The following SCN1A variants were observed in gnomAD, a reference collection of about 807,000 sequenced individuals.
SCN1A encodes sodium channel protein type 1 subunit alpha.
In SCN1A, 13 loss-of-function variants were observed where a neutral mutation model predicts 193.7. The ratio of observed to expected loss-of-function variants is 0.07; its 90% CI spans 0.04 to 0.11. SCN1A has a LOEUF of 0.11. SCN1A is among the 10% of genes least tolerant of loss of function. The pLI is 1.00. For synonymous variants in SCN1A, 781 were observed against 843.6 expected (o/e 0.93, Z 1.29); for missense variants, 1,432 against 2,451.1 (o/e 0.58, Z 8.78).
At chr2:166,088,861 G>C (rs1214093553) in intron 2 of SCN1A, among the ~76,000 whole-genome samples, 2 of 152,128 alleles carry the variant, frequency 1.3e-5, no homozygotes, top group Non-Finnish European at 2.9e-5. Flanking sequence ...ATTGGAAGTA[G>C]GGAGACCCAA....
chr2:165,989,028 C>CTGTGTGTGTGTGTG lies in SCN1A; in HGVS notation c.*2203_*2216dup, dbSNP rs140461403. 13 of 103,932 alleles carry CTGTGTGTGTGTGTG rather than the reference C, an allele frequency of 1.3e-4. No individual in the cohort carries two copies. Among genetic ancestry groups the CTGTGTGTGTGTGTG allele is most frequent in the African/African-American group, 4.2e-4 (13 of 30,926 alleles). 6.4% of individuals were successfully genotyped at this position (103,932 alleles called of 1,614,324 possible). A position where few individuals can be genotyped will look rare whatever the true frequency, so the allele number is the denominator to read the frequency against. On this transcript the variant is annotated 3_prime_UTR_variant, in exon 29 of 29. Transcript: ENST00000674923. ...TTTTGTTGTCAACGTGGGTATGCCT[C>CTGTGTGTGTGTGTG]TGTGTGTGTGTGTGTGTGTGTGTGT...
chr2:166,073,655 T>A lies in SCN1A; in HGVS notation c.-34A>T, dbSNP rs764287396. ...CCTGCACATTTTAATTACCATTTAT[T>A]CTGCATATGAAATTCCTAAAATAAA... On this transcript the variant is annotated 5_prime_UTR_variant, in exon 4 of 29. Transcript: ENST00000674923. 5 of 1,611,670 alleles carry A rather than the reference T, an allele frequency of 3.1e-6. No homozygotes were observed. The highest frequency in any genetic ancestry group is 4.2e-6 in the Non-Finnish European group (5 of 1,178,246).
upstream of SCN1A, among the ~76,000 whole-genome samples, chr2:166,128,349 G>C (rs1691475956): frequency 6.6e-6 from 1 of 152,000 alleles, no homozygotes; most frequent in Admixed American, 6.6e-5. Flanking sequence ...GTTTGAAACT[G>C]TTACTTTATT....
intron 19 of SCN1A, chr2:166,015,961 C>G: frequency 2.0e-6 from 1 of 494,504 alleles, no homozygotes; most frequent in Non-Finnish European, 3.6e-6. Flanking sequence ...TATGAGGTTA[C>G]AAAAGGCCAT....
rs540080097 is a variant in SCN1A, at chr2:166,135,971, T to G, written c.-50+13076A>C. Among the ~76,000 whole-genome samples the G allele has an allele frequency of 3.1e-4, 47 of 152,336 alleles. 1 individual carries two copies. Among genetic ancestry groups the G allele is most frequent in the African/African-American group, 1.1e-3 (44 of 41,584 alleles). ...ATGCCTAAGTGCAGTCTCTCATACC[T>G]GTTCATCTGCAGTGGCATGAAAGGC... is the stretch of plus-strand genomic sequence containing the variant. On this transcript the variant is annotated intron_variant, in intron 1 of 26. Transcript: ENST00000635750.
At chr2:166,055,376 G>A (rs1383902985) in intron 6 of SCN1A, among the ~76,000 whole-genome samples, 1 of 151,824 alleles carries the variant, frequency 6.6e-6, no homozygotes, top group Non-Finnish European at 1.5e-5. Flanking sequence ...TGTGAGAGTG[G>A]CATAAAATCA....
At chr2:166,050,649 A>AT (rs1243852708) in intron 9 of SCN1A, among the ~76,000 whole-genome samples, 29 of 124,830 alleles carry the variant, frequency 2.3e-4, no homozygotes, top group South Asian at 7.8e-4. Context: ...GTGTGTATAT[A>AT]TTTTTTTTTT....
chr2:166,121,766 A>G (rs1690623835), intron 2 of SCN1A, among the ~76,000 whole-genome samples: 2 of 152,206 alleles, frequency 1.3e-5, no homozygotes, highest in Admixed American at 6.5e-5. Context: ...AAGTATTGCC[A>G]GAGACAACTG....
intron 2 of SCN1A, among the ~76,000 whole-genome samples, chr2:166,093,735 A>G (rs923714368): frequency 6.6e-6 from 1 of 152,240 alleles, no homozygotes; most frequent in African/African-American, 2.4e-5. Flanking sequence ...AGCACAATGT[A>G]AAAACACTGA....
At chr2:166,015,122 A>G (rs1202852888) in intron 20 of SCN1A, among the ~76,000 whole-genome samples, 1 of 151,876 alleles carries the variant, frequency 6.6e-6, no homozygotes. Flanking sequence ...CCCATACTGC[A>G]CCAGGCTCAA....
intron 2 of SCN1A, among the ~76,000 whole-genome samples, chr2:166,098,609 C>A (rs1574485051): frequency 6.6e-6 from 1 of 152,038 alleles, no homozygotes; most frequent in East Asian, 1.9e-4. Flanking sequence ...GAAAACAAAA[C>A]CCCACAGTCT....
chr2:165,999,645 G>T, intron 25 of SCN1A, 78 bp downstream of exon 25: 3 of 1,000,930 alleles, frequency 3.0e-6, no homozygotes, highest in Non-Finnish European at 4.8e-6. Context: ...CATTTCATTT[G>T]GTCGTTTATG....
At chr2:166,004,061 C>A (rs1229059677) in intron 23 of SCN1A, among the ~76,000 whole-genome samples, 1 of 151,492 alleles carries the variant, frequency 6.6e-6, no homozygotes, top group African/African-American at 2.4e-5. Context: ...GTTATCCAGG[C>A]AGAACCAAAT....
rs78732730 is a variant in SCN1A at position 166,002,137 on chromosome 2, G to T, written c.4284+335C>A. ...GTATTCCGTTTTGGTAGCTGATCAGGGAAACAAGCCTTCTAATCACAATAA... is the reference window on the plus strand; with the variant it reads ...GTATTCCGTTTTGGTAGCTGATCAGTGAAACAAGCCTTCTAATCACAATAA... On this transcript the variant is annotated intron_variant, in intron 24 of 28. Transcript: ENST00000674923. 8.5e-3 allele frequency among the ~76,000 whole-genome samples: 1,292 copies of T among 151,240 alleles called. 22 individuals carry two copies. The highest frequency in any genetic ancestry group is 0.03 in the African/African-American group (1,230 of 41,296).
At chr2:166,066,482 T>A (rs1396656739) in intron 4 of SCN1A, among the ~76,000 whole-genome samples, 1 of 152,162 alleles carries the variant, frequency 6.6e-6, no homozygotes, top group Non-Finnish European at 1.5e-5. Flanking sequence ...GTCAATGCCC[T>A]TAGTGAATTC....
At chr2:166,024,222 T>C (rs577205880) in intron 19 of SCN1A, among the ~76,000 whole-genome samples, 1 of 151,700 alleles carries the variant, frequency 6.6e-6, no homozygotes, top group South Asian at 2.1e-4. Context: ...TGAGGCCCTG[T>C]CTCAAAAAAC....
intron 11 of SCN1A, 23 bp from the exon 12 acceptor site, chr2:166,046,999 T>G: frequency 1.9e-6 from 3 of 1,610,098 alleles, no homozygotes; most frequent in Non-Finnish European, 2.5e-6. Flanking sequence ...ATATCAGAAT[T>G]ATTTCTCAAT....
At position 166,036,402 on chromosome 2, in the gene SCN1A, A is replaced by G. The variant is rs781208850; in HGVS notation, c.3075T>C (p.Tyr1025=). 1 of 1,599,510 alleles carries G rather than the reference A, an allele frequency of 6.3e-7. No individual in the cohort carries two copies. The highest frequency in any genetic ancestry group is 8.5e-7 in the Non-Finnish European group (1 of 1,175,246). ...TAAATTCATATATTTTTCTTTTCAC[A>G]TAAGCTACTCCTTTGTGCATCCTAT... ...AVDRMHKGVA[Y]VKRKIYEFIQ... Residue 1025 remains tyrosine, a synonymous_variant, in exon 19 of 29, where the codon TAT becomes TAC. Coordinates refer to ENST00000674923, the MANE Select transcript of SCN1A (RefSeq NM_001165963.4).
rs916009802 is a variant in SCN1A at position 166,072,727 on chromosome 2, T to C, written c.264+631A>G. 2.6e-5 allele frequency among the ~76,000 whole-genome samples: 4 copies of C among 152,214 alleles called. No homozygotes were observed. The South Asian group carries it at 8.3e-4, about 32-fold the overall frequency. On this transcript the variant is annotated intron_variant, in intron 4 of 28. Coordinates refer to ENST00000674923, the MANE Select transcript of SCN1A (RefSeq NM_001165963.4). ...TCCAAGTACAGAAAGTACAAAAAAA[T>C]TGTATAGTAAATCGAATCTGTGGAG... is the stretch of plus-strand genomic sequence containing the variant.
Sources: gnomAD v4.1 joint callset for allele counts (sites outside exome capture counted in the v4.1 genomes callset) on GRCh38, gnomAD v4.1.1 for gene constraint, MANE v1.5 for transcripts, NCBI Gene and HGNC (gene_info 2026-07-23, HGNC 2026-07-21) for gene names.